GPR158: variants seen among roughly 807,000 people sequenced by gnomAD.
GPR158 encodes the protein metabotropic glycine receptor.
Under a neutral mutation model 78.2 loss-of-function variants are expected in GPR158, and 30 were observed. The ratio of observed to expected loss-of-function variants is 0.38; its 90% confidence interval spans 0.29 to 0.52. The LOEUF (loss-of-function observed/expected upper bound fraction) is 0.52. Among genes scored for constraint, GPR158 ranks in the 20% least tolerant of loss-of-function variants. The probability of loss-of-function intolerance (pLI) is 0.83; values close to 1 mark genes in which losing one functional copy is unlikely to be tolerated. For synonymous variants in GPR158, 581 were observed against 591.1 expected (o/e 0.98, Z 0.25); for missense variants, 1,463 against 1,523.5 (o/e 0.96, Z 0.66).
rs567921453 is a variant in GPR158, at chr10:25,493,279, T to C, written c.1404+26560T>C. On this transcript the variant is annotated intron_variant, in intron 5 of 10. Coordinates refer to ENST00000376351, the MANE Select transcript of GPR158 (RefSeq NM_020752.3). Reference sequence around the variant, plus strand: ...TGTGTTCTGCCTTTGTCCTCTCTGGTCTGACTTCAGCATTACTCACGCAAT... The same window carrying C: ...TGTGTTCTGCCTTTGTCCTCTCTGGCCTGACTTCAGCATTACTCACGCAAT... Among the ~76,000 whole-genome samples, 4 of 152,264 alleles carry C rather than the reference T, an allele frequency of 2.6e-5. No individual in the cohort carries two copies. In the South Asian group the frequency reaches 8.3e-4, roughly 32 times the overall value.
intron 4 of GPR158, among the ~76,000 whole-genome samples, chr10:25,431,219 A>G (rs1203474727): frequency 1.3e-5 from 1 of 74,352 alleles, no homozygotes; most frequent in African/African-American, 4.1e-5. Context: ...GACAGTTCTC[A>G]AAAGAAGACA....
chr10:25,389,909 A>G (rs1483455526), intron 2 of GPR158, among the ~76,000 whole-genome samples: 2 of 152,006 alleles, frequency 1.3e-5, no homozygotes, highest in African/African-American at 4.8e-5. Flanking sequence ...CATAATCCCC[A>G]TGTGTTGTTG....
At chr10:25,407,849 T>C (rs1396240729) in intron 3 of GPR158, among the ~76,000 whole-genome samples, 1 of 152,196 alleles carries the variant, frequency 6.6e-6, no homozygotes. Context: ...TCCTCTATAG[T>C]ATGTTCTCTA....
In GPR158 at chr10:25,597,993, G is replaced by C; in HGVS notation, c.2367G>C (p.Arg789Ser). The C allele has an allele frequency of 6.2e-7, 1 of 1,614,164 alleles. No individual in the cohort carries two copies. The highest frequency in any genetic ancestry group is 2.2e-5 in the East Asian group (1 of 44,870). Reference sequence around the variant, plus strand: ...CAGCCAAAGGCACTGCCCTCATCAGGAAGAACCCCCCAGAGTCTTCAGGGA... The same window carrying C: ...CAGCCAAAGGCACTGCCCTCATCAGCAAGAACCCCCCAGAGTCTTCAGGGA... Reference protein sequence around the residue: ...HGTAKGTALIRKNPPESSGNT... With the variant: ...HGTAKGTALISKNPPESSGNT... The change falls in exon 11 of 11, where the codon AGG becomes AGC. Residue 789 changes from arginine to serine, a missense_variant. Physicochemically the swap from Arg to Ser is moderately radical, Grantham distance 110. Coordinates refer to ENST00000376351, the MANE Select transcript of GPR158 (RefSeq NM_020752.3).
chr10:25,298,735 A>G (rs2130772394), intron 2 of GPR158, among the ~76,000 whole-genome samples: 1 of 152,268 alleles, frequency 6.6e-6, no homozygotes, highest in Non-Finnish European at 1.5e-5. Flanking sequence ...TTATTTAAAA[A>G]TTATTTTTTA....
chr10:25,534,793 A>G (rs1836477750), intron 5 of GPR158, among the ~76,000 whole-genome samples: 1 of 151,010 alleles, frequency 6.6e-6, no homozygotes, highest in African/African-American at 2.4e-5. Context: ...ACAGATAGAC[A>G]GACAGACAGG....
At chr10:25,331,327 G>A (rs1349010207) in intron 2 of GPR158, among the ~76,000 whole-genome samples, 2 of 152,188 alleles carry the variant, frequency 1.3e-5, no homozygotes, top group Admixed American at 6.5e-5. Context: ...GTAAGGGAAA[G>A]GGATGACAAT....
intron 1 of GPR158, among the ~76,000 whole-genome samples, chr10:25,211,140 GA>G (rs60869522): frequency 0.17 from 21,199 of 125,516 alleles, 1,791 homozygotes; most frequent in East Asian, 0.33. Context: ...CAAGAAAAAA[GA>G]AAAAAAAAAA....
chr10:25,280,318 G>A (rs1000676263), intron 2 of GPR158, among the ~76,000 whole-genome samples: 1 of 152,160 alleles, frequency 6.6e-6, no homozygotes, highest in Non-Finnish European at 1.5e-5. Flanking sequence ...AGAAAGCTGA[G>A]ATACCTATCT....
Position 25,479,478 on chromosome 10 carries a change from C to T in GPR158, c.1404+12759C>T, listed in dbSNP as rs184885163. ...TTAGTCAGGCTGGAGTGCAGTGGTG[C>T]GATCTTGCTCACTGCAACCTGTGCC... On this transcript the variant is annotated intron_variant, in intron 5 of 10. Coordinates refer to ENST00000376351, the MANE Select transcript of GPR158 (RefSeq NM_020752.3). 5.8e-3 allele frequency among the ~76,000 whole-genome samples: 875 copies of T among 152,114 alleles called. 15 individuals carry two copies. Among genetic ancestry groups the T allele is most frequent in the African/African-American group, 0.019 (796 of 41,514 alleles).
At chr10:25,322,629 G>A (rs1202615995) in intron 2 of GPR158, among the ~76,000 whole-genome samples, 1 of 152,142 alleles carries the variant, frequency 6.6e-6, no homozygotes, top group African/African-American at 2.4e-5. Context: ...TTCATAAGAG[G>A]AATCATTATC....
chr10:25,321,308 T>A (rs897607525), intron 2 of GPR158, among the ~76,000 whole-genome samples: 2 of 152,208 alleles, frequency 1.3e-5, no homozygotes, highest in African/African-American at 4.8e-5. Context: ...CTAGATATAT[T>A]GGGATTTATA....
At chr10:25,215,789 C>G (rs995341380) in intron 1 of GPR158, among the ~76,000 whole-genome samples, 1 of 152,160 alleles carries the variant, frequency 6.6e-6, no homozygotes, top group African/African-American at 2.4e-5. Context: ...GGGCTGAGAT[C>G]GTGCCACTGT....
chr10:25,364,938 A>G (rs1455130815), intron 2 of GPR158, among the ~76,000 whole-genome samples: 7 of 151,788 alleles, frequency 4.6e-5, no homozygotes, highest in African/African-American at 1.7e-4. Flanking sequence ...GTTATGCCAT[A>G]GAGAGCATTT....
intron 1 of GPR158, among the ~76,000 whole-genome samples, chr10:25,192,804 G>A (rs551282299): frequency 6.0e-5 from 9 of 148,932 alleles, no homozygotes; most frequent in Non-Finnish European, 1.0e-4. Context: ...AATAAAAATC[G>A]AATTCATCAA....
At chr10:25,182,067 C>T (rs897020501) in intron 1 of GPR158, among the ~76,000 whole-genome samples, 5 of 151,990 alleles carry the variant, frequency 3.3e-5, no homozygotes, top group African/African-American at 1.2e-4. Flanking sequence ...CTGCTGAAAT[C>T]AGTTAATGAA....
chr10:25,469,383 C>T (rs1215040665), intron 5 of GPR158, among the ~76,000 whole-genome samples: 2 of 152,180 alleles, frequency 1.3e-5, no homozygotes, highest in Admixed American at 1.3e-4. Flanking sequence ...CAGATTCAGC[C>T]TTCCAGTGTC....
chr10:25,508,368 G>C (rs938672249), intron 5 of GPR158, among the ~76,000 whole-genome samples: 1 of 152,068 alleles, frequency 6.6e-6, no homozygotes, highest in African/African-American at 2.4e-5. Context: ...AGCAGGTTTG[G>C]GGAAAATTAC....
chr10:25,348,180 A>G (rs898882409), intron 2 of GPR158, among the ~76,000 whole-genome samples: 5 of 151,850 alleles, frequency 3.3e-5, no homozygotes, highest in African/African-American at 1.2e-4. Flanking sequence ...TATGATCGGT[A>G]GGTTATATAG....
Sources: gnomAD v4.1 joint callset for allele counts (sites outside exome capture counted in the v4.1 genomes callset) on GRCh38, gnomAD v4.1.1 for gene constraint, MANE v1.5 for transcripts, NCBI Gene and HGNC (gene_info 2026-07-23, HGNC 2026-07-21) for gene names.